Variants in SRPK1 observed in about 807,000 individuals in gnomAD.
The protein encoded by SRPK1 is SRSF protein kinase 1.
In SRPK1, 52 loss-of-function variants were observed where a neutral mutation model predicts 89.5. That is an observed-to-expected ratio of 0.58 (90% CI 0.46 to 0.73). SRPK1 has a LOEUF of 0.73. Ranked by LOEUF, SRPK1 falls within the 30% of genes least tolerant of loss-of-function variation. The pLI is 0.00. For synonymous variants in SRPK1, 255 were observed against 270.2 expected, an observed-to-expected ratio of 0.94 and a Z score of 0.55; for missense variants, 603 against 780.6, an observed-to-expected ratio of 0.77 and a Z score of 2.71.
At chr6:35,848,097 G>A (rs867253481) in intron 13 of SRPK1, among the ~76,000 whole-genome samples, 9 of 152,138 alleles carry the variant, frequency 5.9e-5, no homozygotes, top group Admixed American at 2.0e-4. Context: ...CACTGTGCCC[G>A]GCCTTACTAT....
intron 6 of SRPK1, among the ~76,000 whole-genome samples, chr6:35,885,298 CAGAGAGAGAGAGAGAGAG>C (rs138504486): frequency 1.8e-5 from 2 of 113,114 alleles, no homozygotes; most frequent in Non-Finnish European, 3.6e-5. Context: ...CACACACACA[CAGAGAGAGAGAGAGAGAG>C]AGAGAGAGAG....
chr6:35,894,652 A>C (rs1265414100), intron 2 of SRPK1, among the ~76,000 whole-genome samples: 2 of 152,224 alleles, frequency 1.3e-5, no homozygotes, highest in African/African-American at 4.8e-5. Flanking sequence ...AAAAGCTAGA[A>C]GGGCAGTAAT....
At chr6:35,836,741 T>C (rs927082198) in intron 15 of SRPK1, among the ~76,000 whole-genome samples, 3 of 145,952 alleles carry the variant, frequency 2.1e-5, no homozygotes, top group Non-Finnish European at 4.5e-5. Context: ...GGTGACAGAG[T>C]GATACCCTGT....
chr6:35,883,318 G>A (rs551492626), intron 6 of SRPK1, among the ~76,000 whole-genome samples: 43 of 152,112 alleles, frequency 2.8e-4, no homozygotes, highest in Non-Finnish European at 5.7e-4. Context: ...GAACCTGGGA[G>A]GCGGAGGTTG....
intron 14 of SRPK1, among the ~76,000 whole-genome samples, chr6:35,838,994 G>A (rs1230042974): frequency 6.6e-6 from 1 of 152,212 alleles, no homozygotes; most frequent in East Asian, 1.9e-4. Context: ...GTCCCATTCT[G>A]GATTTTGGAG....
At chr6:35,836,336 G>A (rs1230134624) in intron 15 of SRPK1, among the ~76,000 whole-genome samples, 1 of 150,540 alleles carries the variant, frequency 6.6e-6, no homozygotes, top group African/African-American at 2.5e-5. Context: ...CCAGTCCCTG[G>A]TGCCAAAAAG....
At chr6:35,887,827 C>T (rs1770442000) in intron 5 of SRPK1, 197 bp downstream of exon 5, 1 of 393,652 alleles carries the variant, frequency 2.5e-6, no homozygotes, top group Non-Finnish European at 4.5e-6. Context: ...GAATTCTCAT[C>T]ATAGCATTTG....
chr6:35,891,157 G>A (rs1345054870), intron 2 of SRPK1, 144 bp from the exon 3 acceptor site: 1 of 920,294 alleles, frequency 1.1e-6, no homozygotes, highest in East Asian at 3.1e-5. Flanking sequence ...AATATTAGCT[G>A]TAGTTTTACC....
chr6:35,920,557 G>A (rs764583379), intron 1 of SRPK1, 29 bp from the exon 2 acceptor site: 3 of 1,608,390 alleles, frequency 1.9e-6, no homozygotes, highest in Non-Finnish European at 1.7e-6. Context: ...GATGAAGGGC[G>A]AATGTGGAGG....
intron 2 of SRPK1, among the ~76,000 whole-genome samples, chr6:35,891,316 C>T (rs1384433941): frequency 6.6e-6 from 1 of 152,192 alleles, no homozygotes; most frequent in Non-Finnish European, 1.5e-5. Flanking sequence ...CATTATGTTG[C>T]TGTATCTTCA....
chr6:35,920,764 C>T (rs960508643), intron 1 of SRPK1: 2 of 339,024 alleles, frequency 5.9e-6, no homozygotes, highest in South Asian at 9.8e-5. Context: ...GGGTGGGGGT[C>T]TGCGTCGCCC....
At chr6:35,844,885 CAAAA>C (rs1554149526) in intron 13 of SRPK1, among the ~76,000 whole-genome samples, 1 of 151,760 alleles carries the variant, frequency 6.6e-6, no homozygotes, top group East Asian at 1.9e-4. Context: ...AAACAAAAAA[CAAAA>C]AACACAGAGC....
chr6:35,915,991 A>AATATAT (rs1286740833), intron 2 of SRPK1, among the ~76,000 whole-genome samples: 8 of 86,288 alleles, frequency 9.3e-5, no homozygotes, highest in African/African-American at 1.9e-4. Context: ...AAAAAAAAAA[A>AATATAT]ATATATACAC....
intron 13 of SRPK1, chr6:35,857,011 T>C: frequency 2.5e-6 from 1 of 406,200 alleles, no homozygotes; most frequent in Non-Finnish European, 4.4e-6. Context: ...TTTCATTATT[T>C]CCCCCCACTA....
chr6:35,848,678 T>G (rs1769474771), intron 13 of SRPK1, among the ~76,000 whole-genome samples: 1 of 152,124 alleles, frequency 6.6e-6, no homozygotes, highest in South Asian at 2.1e-4. Flanking sequence ...AGGAACAATA[T>G]AGAGAGCCCA....
chr6:35,911,441 G>A (rs560341467), intron 2 of SRPK1, among the ~76,000 whole-genome samples: 151 of 152,192 alleles, frequency 9.9e-4, no homozygotes, highest in Non-Finnish European at 1.9e-3. Flanking sequence ...TTGGCCGGGC[G>A]TGGTGGCTCA....
chr6:35,913,822 G>C (rs1417628583), intron 2 of SRPK1, among the ~76,000 whole-genome samples: 1 of 149,860 alleles, frequency 6.7e-6, no homozygotes, highest in Non-Finnish European at 1.5e-5. Context: ...AAATAAAAGA[G>C]AGAGAAAAAA....
intron 6 of SRPK1, among the ~76,000 whole-genome samples, chr6:35,885,294 CACACAG>C (rs1444100094): frequency 1.8e-4 from 23 of 131,176 alleles, no homozygotes; most frequent in East Asian, 6.5e-4. Context: ...CACACACACA[CACACAG>C]AGAGAGAGAG....
In SRPK1 at chr6:35,871,203, C is replaced by T. The variant is rs540102655; in HGVS notation, c.752-244G>A. On this transcript the variant is annotated intron_variant, in intron 8 of 15. Coordinates refer to ENST00000373825, the MANE Select transcript of SRPK1 (RefSeq NM_003137.5). ...ATAAAATTCTTCCTCCCCAGGTAAA[C>T]TAAAGTTGCTAAAAATCACCTATTT... Among the ~76,000 whole-genome samples the T allele has an allele frequency of 2.2e-4, 33 of 152,224 alleles. No homozygotes were observed. In the Middle Eastern group the frequency reaches 0.01, roughly 47 times the overall value.
Sources: gnomAD v4.1 joint callset for allele counts (sites outside exome capture counted in the v4.1 genomes callset) on GRCh38, gnomAD v4.1.1 for gene constraint, MANE v1.5 for transcripts, NCBI Gene and HGNC (gene_info 2026-07-23, HGNC 2026-07-21) for gene names.